Variants in GALM observed in about 807,000 individuals in gnomAD.
GALM encodes the protein galactose mutarotase, also known as aldose 1-epimerase.
In GALM, 43 loss-of-function variants were observed where a neutral mutation model predicts 37.4. The ratio of observed to expected loss-of-function variants is 1.15; its 90% CI spans 0.90 to 1.48. The LOEUF (loss-of-function observed/expected upper bound fraction) is 1.48. Ranked by LOEUF, GALM falls within the 40% of genes most tolerant of loss-of-function variation. The probability of loss-of-function intolerance (pLI) is 0.00; values close to 1 mark genes in which losing one functional copy is unlikely to be tolerated. For missense variants in GALM, 456 were observed against 419.1 expected, an observed-to-expected ratio of 1.09 and a Z score of -0.77; for synonymous variants, 199 against 170.6, an observed-to-expected ratio of 1.17 and a Z score of -1.30.
At chr2:38,669,383 G>C (rs1030754886) in intron 1 of GALM, 2 of 152,212 alleles carry the variant, frequency 1.3e-5, no homozygotes, top group South Asian at 2.1e-4. Context: ...TTGCTCAATC[G>C]ATCACGACCC....
At chr2:38,704,497 T>C (rs1665999383) in intron 4 of GALM, among the ~76,000 whole-genome samples, 1 of 151,994 alleles carries the variant, frequency 6.6e-6, no homozygotes, top group Non-Finnish European at 1.5e-5. Context: ...AGAGACCCCA[T>C]TTTTACTACA....
At chr2:38,694,529 A>G (rs1178976651) in intron 4 of GALM, among the ~76,000 whole-genome samples, 3 of 152,176 alleles carry the variant, frequency 2.0e-5, no homozygotes, top group African/African-American at 7.2e-5. Context: ...GAAAGGAAAA[A>G]GGGAAGGAGG....
intron 4 of GALM, among the ~76,000 whole-genome samples, chr2:38,722,040 A>ACCCCCCCCCCCCCC (rs1178141610): frequency 1.9e-5 from 1 of 53,438 alleles, no homozygotes; most frequent in Non-Finnish European, 3.6e-5. Context: ...TCCCCCCCCC[A>ACCCCCCCCCCCCCC]CCCCCCCCCC....
chr2:38,680,318 G>A (rs1251634413), intron 2 of GALM, among the ~76,000 whole-genome samples: 1 of 151,836 alleles, frequency 6.6e-6, no homozygotes, highest in African/African-American at 2.4e-5. Context: ...TATTGCACCT[G>A]ACCACAAAAA....
Position 38,675,995 on chromosome 2 carries a change from G to T in GALM, c.274G>T (p.Gly92Trp), listed in dbSNP as rs747645368. 5.6e-6 allele frequency: 9 copies of T among 1,613,924 alleles called. No homozygotes were observed. Among genetic ancestry groups the T allele is most frequent in the Non-Finnish European group, 7.6e-6 (9 of 1,179,944 alleles). ...CGCCAAAGGAACCTTCAAGGTGGAT[G>T]GGAAGGAGTATCACCTGGCCATTAA... The part of the protein sequence containing the change: ...RIAKGTFKVD[G>W]KEYHLAINKE... Residue 92 changes from glycine to tryptophan, a missense_variant, in exon 2 of 7, where the codon GGG (glycine) becomes TGG (tryptophan). Physicochemically the swap from Gly to Trp is radical, Grantham distance 184. Transcript: ENST00000272252.
chr2:38,674,550 C>G (rs546990369), intron 1 of GALM, among the ~76,000 whole-genome samples: 73 of 152,190 alleles, frequency 4.8e-4, no homozygotes, highest in African/African-American at 1.7e-3. Context: ...TTATACTAAG[C>G]AATTATTTGT....
intron 1 of GALM, among the ~76,000 whole-genome samples, chr2:38,672,249 A>G (rs1384122820): frequency 6.6e-6 from 1 of 152,236 alleles, no homozygotes; most frequent in Non-Finnish European, 1.5e-5. Flanking sequence ...CACTTGTTGA[A>G]TGAATCAAAG....
rs1227055213 is a variant in GALM, at chr2:38,726,257, C to T, written c.635-3299C>T. Among the ~76,000 whole-genome samples the T allele has an allele frequency of 4.7e-5, 7 of 147,902 alleles. No individual in the cohort carries two copies. In the East Asian group the frequency reaches 1.0e-3, roughly 21 times the overall value. On this transcript the variant is annotated intron_variant, in intron 4 of 6. Coordinates refer to ENST00000272252, the MANE Select transcript of GALM (RefSeq NM_138801.3). ...TTTTTTTTTTTTTGAGACGGAGTCT[C>T]GCTCTGTCGCCCAGGCTGGAGTGCA...
intron 3 of GALM, among the ~76,000 whole-genome samples, chr2:38,689,537 G>A (rs146088333): frequency 6.6e-6 from 1 of 152,124 alleles, no homozygotes; most frequent in Non-Finnish European, 1.5e-5. Context: ...GGTCCAAAAG[G>A]CTTTCAAACC....
intron 1 of GALM, among the ~76,000 whole-genome samples, chr2:38,675,547 G>GTC (rs1558577694): frequency 6.8e-5 from 5 of 73,300 alleles, no homozygotes; most frequent in African/African-American, 3.9e-4. Context: ...TTTTTTTTGT[G>GTC]TGTGTGTGTG....
At chr2:38,674,886 G>A (rs1032673567) in intron 1 of GALM, among the ~76,000 whole-genome samples, 1 of 152,056 alleles carries the variant, frequency 6.6e-6, no homozygotes, top group Non-Finnish European at 1.5e-5. Flanking sequence ...TTTTGAAAGA[G>A]AGAAAAGCCT....
intron 4 of GALM, among the ~76,000 whole-genome samples, chr2:38,716,162 T>A (rs1194956120): frequency 6.6e-6 from 1 of 152,244 alleles, no homozygotes; most frequent in Non-Finnish European, 1.5e-5. Context: ...GAGCTATCAT[T>A]AGGGACAATT....
At chr2:38,685,678 G>C (rs1360069062) in intron 3 of GALM, among the ~76,000 whole-genome samples, 1 of 152,078 alleles carries the variant, frequency 6.6e-6, no homozygotes, top group Non-Finnish European at 1.5e-5. Flanking sequence ...TTCCAGCCTA[G>C]AAGAGTCATA....
At chr2:38,698,361 G>A in intron 4 of GALM, 1 of 1,304,132 alleles carries the variant, frequency 7.7e-7, no homozygotes, top group Non-Finnish European at 1.0e-6. Flanking sequence ...CCTGTCCCAT[G>A]GCAGGTGGCA....
At chr2:38,675,569 G>A (rs1417921276) in intron 1 of GALM, among the ~76,000 whole-genome samples, 2 of 132,232 alleles carry the variant, frequency 1.5e-5, no homozygotes, top group Non-Finnish European at 3.2e-5. Flanking sequence ...GTGTGTGTGT[G>A]TGTGTGTGTG....
chr2:38,693,503 A>C, intron 4 of GALM, among the ~76,000 whole-genome samples: 1 of 150,516 alleles, frequency 6.6e-6, no homozygotes, highest in African/African-American at 2.4e-5. Context: ...AAAAAAAGAG[A>C]GAGAGAAAAT....
At position 38,681,342 on chromosome 2, in the gene GALM, T is replaced by C. The variant is rs1206498058; in HGVS notation, c.408T>C (p.Gly136=). 4 of 1,613,906 alleles carry C rather than the reference T, an allele frequency of 2.5e-6. No individual in the cohort carries two copies. Among genetic ancestry groups the C allele is most frequent in the South Asian group, 2.2e-5 (2 of 91,064 alleles). The change falls in exon 3 of 7, where the codon GGT becomes GGC. Residue 136 remains glycine, a synonymous_variant. Coordinates refer to ENST00000272252, the MANE Select transcript of GALM (RefSeq NM_138801.3). ...GVQFSRISPD[G]EEGYPGELKV... Reference sequence around the variant, plus strand: ...AGTTCTCGCGCATCAGTCCAGATGGTGAAGAAGGCTACCCCGGAGAGTTAA... The same window carrying C: ...AGTTCTCGCGCATCAGTCCAGATGGCGAAGAAGGCTACCCCGGAGAGTTAA...
chr2:38,716,601 T>C (rs895093716), intron 4 of GALM, among the ~76,000 whole-genome samples: 5 of 152,188 alleles, frequency 3.3e-5, no homozygotes, highest in Non-Finnish European at 5.9e-5. Flanking sequence ...ACTTTTATAA[T>C]ATTCTCAAAG....
chr2:38,715,681 C>A (rs1429094957), intron 4 of GALM, among the ~76,000 whole-genome samples: 1 of 152,162 alleles, frequency 6.6e-6, no homozygotes, highest in African/African-American at 2.4e-5. Flanking sequence ...GATCTGCCCA[C>A]CTTGGCCTCC....
Sources: gnomAD v4.1 joint callset for allele counts (sites outside exome capture counted in the v4.1 genomes callset) on GRCh38, gnomAD v4.1.1 for gene constraint, MANE v1.5 for transcripts, NCBI Gene and HGNC (gene_info 2026-07-23, HGNC 2026-07-21) for gene names.